The following THADA variants were observed in gnomAD, a reference collection of about 807,000 sequenced individuals.
The protein encoded by THADA is tRNA (32-2'-O)-methyltransferase regulator THADA.
A neutral mutation model predicts 219.8 loss-of-function variants in THADA; 213 were observed. The ratio of observed to expected loss-of-function variants is 0.97; its 90% confidence interval spans 0.87 to 1.09. The LOEUF is 1.09. Ranked by LOEUF, THADA falls within the 50% of genes least tolerant of loss-of-function variation. The pLI, the probability that THADA is intolerant of heterozygous loss-of-function variation, is 0.00. For synonymous variants in THADA, 1,018 were observed against 828.9 expected (o/e 1.23, Z -3.92); for missense variants, 2,956 against 2,311.3 (o/e 1.28, Z -5.72).
At chr2:43,314,843 C>T (rs1677899131) in intron 31 of THADA, among the ~76,000 whole-genome samples, 1 of 152,180 alleles carries the variant, frequency 6.6e-6, no homozygotes, top group Non-Finnish European at 1.5e-5. Flanking sequence ...GGGTTTAAAA[C>T]TCAAAACAAA....
intron 26 of THADA, among the ~76,000 whole-genome samples, chr2:43,466,526 T>C (rs1049553106): frequency 1.3e-5 from 2 of 152,160 alleles, no homozygotes; most frequent in South Asian, 4.1e-4. Flanking sequence ...GTATGTCTAC[T>C]CTACTTGATT....
intron 21 of THADA, among the ~76,000 whole-genome samples, chr2:43,538,266 A>T (rs1042769914): frequency 1.8e-4 from 28 of 152,174 alleles, no homozygotes; most frequent in African/African-American, 6.5e-4. Context: ...CACACACATC[A>T]ACTAGTCAGG....
chr2:43,428,208 T>A lies in THADA; in HGVS notation c.3950A>T (p.His1317Leu), dbSNP rs1199412028. 1.9e-6 allele frequency: 3 copies of A among 1,602,698 alleles called. No individual in the cohort carries two copies. The African/African-American group carries it at 4.0e-5, about 21-fold the overall frequency. ...CAAAAGTAAGAGAAACATGCTTGGATGACGATTTGGTTCTCCCATATCACT... is the reference window on the plus strand; with the variant it reads ...CAAAAGTAAGAGAAACATGCTTGGAAGACGATTTGGTTCTCCCATATCACT... ...VDSDMGEPNR[H>L]PSMFLLLLVL... is the part of the protein sequence containing the mutation. The change falls in exon 28 of 38, where the codon CAT (histidine) becomes CTT (leucine). Residue 1317 changes from histidine to leucine, a missense_variant. Transcript: ENST00000405975.
chr2:43,331,871 A>C (rs1360703440), intron 30 of THADA, among the ~76,000 whole-genome samples: 2 of 151,204 alleles, frequency 1.3e-5, no homozygotes, highest in African/African-American at 2.5e-5. Context: ...ATTTAGATTC[A>C]ACCATAACTG....
rs61228891 is a variant in THADA, at chr2:43,531,729, TG to T, written c.3265-3742del. On this transcript the variant is annotated intron_variant, in intron 21 of 37. Coordinates refer to ENST00000405975, the MANE Select transcript of THADA (RefSeq NM_022065.5). ...AAACCTCTGAAAACTCCAACTCAAT[TG>T]CCTATTAGATACCACTGAGTTTCTA... Among the ~76,000 whole-genome samples, 1,060 of 152,320 alleles carry T rather than the reference TG, an allele frequency of 7.0e-3. 15 individuals are homozygous for T. Among genetic ancestry groups the T allele is most frequent in the African/African-American group, 0.024 (1,011 of 41,550 alleles).
chr2:43,347,846 G>A lies in THADA; in HGVS notation c.4228-3609C>T, dbSNP rs376965704. On this transcript the variant is annotated intron_variant, in intron 29 of 37. Transcript: ENST00000405975. ...GCAGACACAGCTGGAGAAAGGAGTC[G>A]GGTCTAGTCAGACAAAGACCTTAAA... is the stretch of plus-strand genomic sequence containing the variant. 1.3e-4 allele frequency among the ~76,000 whole-genome samples: 20 copies of A among 152,260 alleles called. No homozygotes were observed. In the Middle Eastern group the frequency reaches 0.017, roughly 129 times the overall value.
intron 15 of THADA, 48 bp downstream of exon 15, chr2:43,566,650 T>C (rs1698720453): frequency 3.1e-6 from 5 of 1,595,380 alleles, no homozygotes; most frequent in Non-Finnish European, 4.3e-6. Flanking sequence ...ATAAGTATGT[T>C]TTGAAAGAAA....
At chr2:43,355,378 G>C (rs1375243333) in intron 29 of THADA, among the ~76,000 whole-genome samples, 1 of 152,046 alleles carries the variant, frequency 6.6e-6, no homozygotes, top group Admixed American at 6.6e-5. Flanking sequence ...CCCTTTCTCC[G>C]TATCTTCGCC....
chr2:43,326,814 G>C (rs1046794611), intron 30 of THADA, among the ~76,000 whole-genome samples: 4 of 152,194 alleles, frequency 2.6e-5, no homozygotes, highest in African/African-American at 9.7e-5. Context: ...TGGGCTTCCT[G>C]GAAGAGAGAG....
intron 26 of THADA, among the ~76,000 whole-genome samples, chr2:43,467,402 G>A (rs1166433981): frequency 6.6e-6 from 1 of 152,066 alleles, no homozygotes; most frequent in African/African-American, 2.4e-5. Context: ...TACTTACTGA[G>A]TATCACTACC....
intron 21 of THADA, among the ~76,000 whole-genome samples, chr2:43,539,082 C>T (rs140674513): frequency 1.4e-4 from 21 of 152,318 alleles, no homozygotes; most frequent in Non-Finnish European, 1.6e-4. Flanking sequence ...AAGTAGATCA[C>T]AGTTACTACT....
At chr2:43,314,517 C>CA (rs1677858359) in intron 31 of THADA, among the ~76,000 whole-genome samples, 1 of 152,136 alleles carries the variant, frequency 6.6e-6, no homozygotes, top group Non-Finnish European at 1.5e-5. Context: ...GTCCATCTGT[C>CA]AAAGGGGTAA....
intron 28 of THADA, among the ~76,000 whole-genome samples, chr2:43,405,977 A>C (rs928788708): frequency 4.6e-5 from 7 of 152,208 alleles, no homozygotes; most frequent in African/African-American, 1.7e-4. Flanking sequence ...GCCTCAGAAA[A>C]GCATGCTTTT....
At chr2:43,472,308 T>C (rs1368540919) in intron 26 of THADA, among the ~76,000 whole-genome samples, 1 of 152,188 alleles carries the variant, frequency 6.6e-6, no homozygotes, top group Non-Finnish European at 1.5e-5. Flanking sequence ...GCAATTGAAA[T>C]ACGTTTTTCC....
chr2:43,488,646 T>C (rs1687208274), intron 25 of THADA, among the ~76,000 whole-genome samples: 1 of 152,228 alleles, frequency 6.6e-6, no homozygotes, highest in African/African-American at 2.4e-5. Flanking sequence ...AGAATATTCA[T>C]GTACAAGTTT....
intron 24 of THADA, among the ~76,000 whole-genome samples, chr2:43,499,407 A>C (rs1187887955): frequency 6.6e-6 from 1 of 151,904 alleles, no homozygotes; most frequent in African/African-American, 2.4e-5. Flanking sequence ...ATGGAGTTTC[A>C]CTCTTGTCGC....
At chr2:43,234,005 A>G (rs1667741382) in intron 36 of THADA, among the ~76,000 whole-genome samples, 1 of 152,146 alleles carries the variant, frequency 6.6e-6, no homozygotes, top group Non-Finnish European at 1.5e-5. Context: ...CTCGGCACAC[A>G]GGCAGACGAC....
chr2:43,428,106 A>G lies in THADA; in HGVS notation c.4052T>C (p.Ile1351Thr), dbSNP rs745590959. Reference protein sequence around the residue: ...ALSMGPFVPFIMRCGHSPVYH... With the variant: ...ALSMGPFVPFTMRCGHSPVYH... The stretch of plus-strand genomic sequence containing the variant: ...CTACACAGCATGACACTACCTCATA[A>G]TGAAGGGAACAAAAGGTCCCATGCT... The change falls in exon 28 of 38, where the codon ATT becomes ACT. Residue 1351 changes from isoleucine (I) to threonine (T), a missense_variant. Physicochemically the swap from Ile to Thr is moderately conservative, Grantham distance 89 (BLOSUM62 -1). Coordinates refer to ENST00000405975, the MANE Select transcript of THADA (RefSeq NM_022065.5). 2 of 1,608,264 alleles carry G rather than the reference A, an allele frequency of 1.2e-6. No individual in the cohort carries two copies. Among genetic ancestry groups the G allele is most frequent in the Non-Finnish European group, 1.7e-6 (2 of 1,176,544 alleles).
At chr2:43,363,789 G>A (rs1469957417) in intron 29 of THADA, among the ~76,000 whole-genome samples, 2 of 152,154 alleles carry the variant, frequency 1.3e-5, no homozygotes, top group African/African-American at 4.8e-5. Context: ...ACGAGGATTC[G>A]TTCTAGTATT....
Sources: allele counts gnomAD v4.1 joint callset (sites outside exome capture counted in the v4.1 genomes callset), GRCh38; gene constraint gnomAD v4.1.1; transcripts MANE v1.5; gene names NCBI Gene and HGNC (gene_info 2026-07-23, HGNC 2026-07-21).